Variants in ARMC1 observed in about 807,000 individuals in gnomAD.
ARMC1 encodes the protein armadillo repeat-containing protein 1.
ARMC1 carries 16 observed loss-of-function variants against 31.4 expected under a neutral mutation model. The ratio of observed to expected loss-of-function variants is 0.51; its 90% CI spans 0.34 to 0.77. The LOEUF is 0.77. Among genes scored for constraint, ARMC1 ranks in the 30% least tolerant of loss-of-function variants. ARMC1 has a pLI of 0.01. For synonymous variants in ARMC1, 114 were observed against 118.9 expected, an observed-to-expected ratio of 0.96 and a Z score of 0.27; for missense variants, 259 against 347.5, an observed-to-expected ratio of 0.75 and a Z score of 2.02.
At chr8:65,614,935 A>T (rs1286651386) in intron 3 of ARMC1, among the ~76,000 whole-genome samples, 6 of 152,132 alleles carry the variant, frequency 3.9e-5, no homozygotes, top group Non-Finnish European at 7.4e-5. Context: ...TATACTACTG[A>T]TCTTAATTTT....
intron 3 of ARMC1, among the ~76,000 whole-genome samples, chr8:65,615,497 G>C (rs1313348746): frequency 6.6e-6 from 1 of 151,796 alleles, no homozygotes; most frequent in East Asian, 1.9e-4. Flanking sequence ...CTGAGGTTAG[G>C]AGTTCGAGCC....
chr8:65,612,498 T>G (rs939966361), intron 4 of ARMC1, among the ~76,000 whole-genome samples: 2 of 152,026 alleles, frequency 1.3e-5, no homozygotes, highest in Non-Finnish European at 2.9e-5. Flanking sequence ...TCACTTAGTT[T>G]TACAAATGTG....
intron 3 of ARMC1, among the ~76,000 whole-genome samples, chr8:65,619,658 G>A (rs1324054061): frequency 4.0e-5 from 6 of 151,836 alleles, no homozygotes; most frequent in Non-Finnish European, 8.8e-5. Context: ...ACCAGTCTAG[G>A]CAACATGTCA....
At chr8:65,605,678 G>A (rs538954400) in intron 4 of ARMC1, 140 bp from the exon 5 acceptor site, 19 of 641,666 alleles carry the variant, frequency 3.0e-5, no homozygotes, top group South Asian at 1.0e-4. Flanking sequence ...GGCACAGAGT[G>A]GGGGAGTGCT....
intron 2 of ARMC1, among the ~76,000 whole-genome samples, chr8:65,626,394 A>G (rs1036962451): frequency 4.7e-5 from 7 of 149,794 alleles, no homozygotes; most frequent in African/African-American, 1.7e-4. Context: ...ACTTGAGGCC[A>G]GGAGTTTGAG....
At chr8:65,630,395 G>A (rs1808615968) in intron 1 of ARMC1, among the ~76,000 whole-genome samples, 1 of 152,158 alleles carries the variant, frequency 6.6e-6, no homozygotes, top group South Asian at 2.1e-4. Flanking sequence ...TACAACGCTG[G>A]CCTTGAAACT....
At chr8:65,619,260 G>A (rs1195117712) in intron 3 of ARMC1, among the ~76,000 whole-genome samples, 1 of 152,180 alleles carries the variant, frequency 6.6e-6, no homozygotes, top group African/African-American at 2.4e-5. Context: ...GCAGGCCAGG[G>A]GTGGTGATTC....
chr8:65,624,858 C>T (rs1808481881), intron 2 of ARMC1, among the ~76,000 whole-genome samples: 1 of 152,188 alleles, frequency 6.6e-6, no homozygotes, highest in South Asian at 2.1e-4. Flanking sequence ...TGGTGGCTCA[C>T]ACCTGTAATT....
intron 3 of ARMC1, among the ~76,000 whole-genome samples, chr8:65,613,959 CA>C (rs36010251): frequency 0.17 from 24,337 of 139,764 alleles, 2,004 homozygotes; most frequent in Middle Eastern, 0.2. Context: ...GACTCCATCT[CA>C]AAAAAAAAAA....
intron 4 of ARMC1, 58 bp downstream of exon 4, chr8:65,613,186 G>A: frequency 7.7e-7 from 1 of 1,303,280 alleles, no homozygotes. Context: ...GTTAGCAAGT[G>A]GCACTGAAGA....
At position 65,603,059 on chromosome 8, in the gene ARMC1, T is replaced by C. The variant is rs1807927685; in HGVS notation, c.*1335A>G. The stretch of plus-strand genomic sequence containing the variant: ...GTAAAATAGCAGCTCTACATGTTGA[T>C]GAAAAGAAATTTCAATTTCTTCCTA... On this transcript the variant is annotated 3_prime_UTR_variant, in exon 7 of 7. Transcript: ENST00000276569. 6.6e-6 allele frequency: 1 copy of C among 152,204 alleles called. No individual in the cohort carries two copies. The highest frequency in any genetic ancestry group is 1.5e-5 in the Non-Finnish European group (1 of 68,010). 9.4% of individuals were successfully genotyped at this position (152,204 alleles called of 1,614,324 possible).
intron 1 of ARMC1, among the ~76,000 whole-genome samples, chr8:65,628,820 G>A (rs1280768344): frequency 6.7e-6 from 1 of 148,938 alleles, no homozygotes. Flanking sequence ...TTGTGCCACT[G>A]CATGAGCAAA....
intron 3 of ARMC1, among the ~76,000 whole-genome samples, chr8:65,621,350 A>G (rs1450733138): frequency 6.6e-6 from 1 of 152,142 alleles, no homozygotes; most frequent in Non-Finnish European, 1.5e-5. Flanking sequence ...AAGTGGGGGT[A>G]TGCATGCTTA....
At chr8:65,607,678 C>T (rs1808034002) in intron 4 of ARMC1, among the ~76,000 whole-genome samples, 1 of 152,138 alleles carries the variant, frequency 6.6e-6, no homozygotes, top group African/African-American at 2.4e-5. Flanking sequence ...TACATTCTAC[C>T]ATGTGAACTT....
chr8:65,628,280 C>T (rs1050622932), intron 1 of ARMC1, among the ~76,000 whole-genome samples: 3 of 151,746 alleles, frequency 2.0e-5, no homozygotes, highest in African/African-American at 7.3e-5. Context: ...AAGACAGAGT[C>T]GCATTCTGTC....
chr8:65,622,744 G>A (rs780271998), intron 2 of ARMC1, among the ~76,000 whole-genome samples: 7 of 150,754 alleles, frequency 4.6e-5, no homozygotes, highest in Non-Finnish European at 7.4e-5. Flanking sequence ...GGGGAACGAC[G>A]TGGGCACAGT....
intron 3 of ARMC1, among the ~76,000 whole-genome samples, chr8:65,616,442 G>T (rs11776712): frequency 0.64 from 96,562 of 152,018 alleles, 30,900 homozygotes; most frequent in African/African-American, 0.69. Flanking sequence ...GTGCTCAATG[G>T]TGCCCAGGCT....
Position 65,602,790 on chromosome 8 carries a change from G to C in ARMC1, c.*1604C>G, listed in dbSNP as rs1447774328. 1 of 150,992 alleles carries C rather than the reference G, an allele frequency of 6.6e-6. No homozygotes were observed. Among genetic ancestry groups the C allele is most frequent in the Non-Finnish European group, 1.5e-5 (1 of 67,798 alleles). 9.4% of individuals were successfully genotyped at this position (150,992 alleles called of 1,614,324 possible). On this transcript the variant is annotated 3_prime_UTR_variant, in exon 7 of 7. Coordinates refer to ENST00000276569, the MANE Select transcript of ARMC1 (RefSeq NM_018120.6). ...GGCAGCAAGTTATATTATGCATTTA[G>C]AGCAATAGGTGCCCTGAAAGTTATT...
At chr8:65,616,377 T>G (rs1433853031) in intron 3 of ARMC1, among the ~76,000 whole-genome samples, 2 of 152,256 alleles carry the variant, frequency 1.3e-5, no homozygotes, top group Admixed American at 6.5e-5. Context: ...ACGAGTGATC[T>G]GCCAGCCTCG....
Sources: allele counts gnomAD v4.1 joint callset (sites outside exome capture counted in the v4.1 genomes callset), GRCh38; gene constraint gnomAD v4.1.1; transcripts MANE v1.5; gene names NCBI Gene and HGNC (gene_info 2026-07-23, HGNC 2026-07-21).